Variants in UVRAG observed in about 807,000 individuals in gnomAD.
UVRAG encodes UV radiation resistance associated, also known as UV radiation resistance-associated gene protein.
UVRAG carries 19 observed loss-of-function variants against 78.0 expected under a neutral mutation model. The observed-to-expected ratio is 0.24, with a 90% CI of 0.17 to 0.36. The LOEUF is 0.36. UVRAG is among the 10% of genes least tolerant of loss of function. The pLI, the probability that UVRAG is intolerant of heterozygous loss-of-function variation, is 1.00. For synonymous variants in UVRAG, 323 were observed against 324.6 expected (o/e 1.00, Z 0.05); for missense variants, 740 against 853.8 (o/e 0.87, Z 1.66).
chr11:76,060,798 C>G (rs1591188829), intron 12 of UVRAG, among the ~76,000 whole-genome samples: 1 of 152,370 alleles, frequency 6.6e-6, no homozygotes, highest in East Asian at 1.9e-4. Flanking sequence ...AGCTGCCTCC[C>G]CGTGGGGCAG....
chr11:76,127,188 A>C (rs1373896733), intron 14 of UVRAG, among the ~76,000 whole-genome samples: 2 of 152,220 alleles, frequency 1.3e-5, no homozygotes, highest in Non-Finnish European at 2.9e-5. Context: ...AAAAACTGTC[A>C]GGCAATGAAA....
chr11:76,058,534 CAAAA>C (rs71471400), intron 12 of UVRAG, among the ~76,000 whole-genome samples: 1 of 111,346 alleles, frequency 9.0e-6, no homozygotes, highest in African/African-American at 3.6e-5. Context: ...ACCCTATCTC[CAAAA>C]AAAAAAAAAA....
intron 6 of UVRAG, among the ~76,000 whole-genome samples, chr11:75,931,323 GTCATACAACT>G (rs1948236622): frequency 6.6e-6 from 1 of 152,008 alleles, no homozygotes; most frequent in Non-Finnish European, 1.5e-5. Flanking sequence ...TAGTGTGTTA[GTCATACAACT>G]ATGCACACAG....
intron 3 of UVRAG, among the ~76,000 whole-genome samples, chr11:75,865,547 T>C (rs771946271): frequency 2.0e-5 from 3 of 152,162 alleles, no homozygotes; most frequent in Non-Finnish European, 2.9e-5. Flanking sequence ...TTAATTTTAA[T>C]TTAAATAGCC....
chr11:76,123,658 G>A (rs1427186703), intron 14 of UVRAG, among the ~76,000 whole-genome samples: 1 of 152,128 alleles, frequency 6.6e-6, no homozygotes, highest in Non-Finnish European at 1.5e-5. Flanking sequence ...ATGCAAGGTA[G>A]TATAACACAG....
At chr11:75,948,064 C>G (rs564460171) in intron 6 of UVRAG, among the ~76,000 whole-genome samples, 1 of 152,186 alleles carries the variant, frequency 6.6e-6, no homozygotes, top group South Asian at 2.1e-4. Flanking sequence ...TTATTTAAAT[C>G]GCCCTGAGCT....
chr11:75,871,839 C>T (rs543861781), intron 3 of UVRAG, among the ~76,000 whole-genome samples: 3 of 152,298 alleles, frequency 2.0e-5, no homozygotes, highest in Non-Finnish European at 4.4e-5. Flanking sequence ...TCTATCCTTG[C>T]CCAAACTTGG....
chr11:75,857,487 T>TCCC (rs781439937), intron 2 of UVRAG, among the ~76,000 whole-genome samples: 1 of 150,624 alleles, frequency 6.6e-6, no homozygotes. Flanking sequence ...ATCTTTCTTT[T>TCCC]TCCCCCCCCC....
At chr11:75,823,138 CAG>C (rs556607571) in intron 1 of UVRAG, among the ~76,000 whole-genome samples, 73 of 152,248 alleles carry the variant, frequency 4.8e-4, no homozygotes, top group African/African-American at 1.7e-3. Context: ...CAGGGAATGA[CAG>C]AGGTTTTAAG....
intron 13 of UVRAG, among the ~76,000 whole-genome samples, chr11:76,093,289 C>T (rs1412253653): frequency 3.3e-5 from 5 of 152,204 alleles, no homozygotes; most frequent in East Asian, 1.9e-4. Flanking sequence ...AGTCAGGTAG[C>T]GTGATGCCTC....
chr11:76,123,292 C>T (rs1410650154), intron 14 of UVRAG, among the ~76,000 whole-genome samples: 1 of 152,166 alleles, frequency 6.6e-6, no homozygotes, highest in African/African-American at 2.4e-5. Flanking sequence ...GTTTATTCTA[C>T]CTCATTTACC....
At chr11:76,034,158 A>G (rs1950486627) in intron 12 of UVRAG, among the ~76,000 whole-genome samples, 1 of 152,088 alleles carries the variant, frequency 6.6e-6, no homozygotes, top group Non-Finnish European at 1.5e-5. Flanking sequence ...CTCTTGTACT[A>G]TCCCTTTCAG....
intron 8 of UVRAG, 30 bp from the exon 9 acceptor site, chr11:76,003,975 A>G (rs765289394): frequency 1.1e-5 from 17 of 1,590,444 alleles, no homozygotes; most frequent in Non-Finnish European, 1.5e-5. Flanking sequence ...TATGTTACAT[A>G]TGGAATTATC....
rs1156550686 is a variant in UVRAG at position 75,815,375 on chromosome 11, C to T, written c.-33C>T. On this transcript the variant is annotated 5_prime_UTR_variant, in exon 1 of 15. Coordinates refer to ENST00000356136, the MANE Select transcript of UVRAG (RefSeq NM_003369.4). ...GGCGGCGGCGGATGCCGGAAGAGTG[C>T]CCGCCCCGCCGCTTGGCGGCCCCTG... is the stretch of plus-strand genomic sequence containing the variant. 5 of 1,153,200 alleles carry T rather than the reference C, an allele frequency of 4.3e-6. No individual in the cohort carries two copies. The highest frequency in any genetic ancestry group is 1.6e-5 in the African/African-American group (1 of 62,886). The allele number at this position is 1,153,200 out of a possible 1,614,324, so 71.4% of individuals were successfully genotyped here. A position where few individuals can be genotyped will look rare whatever the true frequency, so the allele number is the denominator to read the frequency against.
At chr11:75,867,451 T>G (rs1234525695) in intron 3 of UVRAG, among the ~76,000 whole-genome samples, 1 of 152,234 alleles carries the variant, frequency 6.6e-6, no homozygotes, top group African/African-American at 2.4e-5. Flanking sequence ...GATTCATTTA[T>G]TTTTTGGGAC....
chr11:76,028,695 G>A (rs963398489), intron 12 of UVRAG, among the ~76,000 whole-genome samples: 2 of 152,170 alleles, frequency 1.3e-5, no homozygotes, highest in Admixed American at 1.3e-4. Context: ...ACTTTCTTCA[G>A]TTACTTGAAA....
chr11:76,070,673 T>G (rs1951287145), intron 13 of UVRAG, among the ~76,000 whole-genome samples: 2 of 152,134 alleles, frequency 1.3e-5, no homozygotes, highest in African/African-American at 4.8e-5. Flanking sequence ...GTACGCTGAG[T>G]TAGGTTGCAG....
intron 8 of UVRAG, among the ~76,000 whole-genome samples, chr11:75,998,665 C>T (rs1439289636): frequency 6.6e-6 from 1 of 152,168 alleles, no homozygotes; most frequent in African/African-American, 2.4e-5. Flanking sequence ...AATGGTAGAG[C>T]ATGGGAAGAA....
At chr11:75,952,959 G>A (rs1199867365) in intron 6 of UVRAG, among the ~76,000 whole-genome samples, 2 of 151,874 alleles carry the variant, frequency 1.3e-5, no homozygotes, top group Admixed American at 6.6e-5. Context: ...TAGATTTTCT[G>A]TTTCTTTTGT....
Sources: allele counts gnomAD v4.1 joint callset (sites outside exome capture counted in the v4.1 genomes callset), GRCh38; gene constraint gnomAD v4.1.1; transcripts MANE v1.5; gene names NCBI Gene and HGNC (gene_info 2026-07-23, HGNC 2026-07-21).